Variants in MMP11 observed in about 807,000 individuals in gnomAD.
MMP11 encodes the protein stromelysin-3.
In MMP11, 26 loss-of-function variants were observed where a neutral mutation model predicts 49.5. The ratio of observed to expected loss-of-function variants is 0.52; its 90% CI spans 0.38 to 0.73. MMP11 has a LOEUF of 0.73. Ranked by LOEUF, MMP11 falls within the 30% of genes least tolerant of loss-of-function variation. The pLI, the probability that MMP11 is intolerant of heterozygous loss-of-function variation, is 0.00. For synonymous variants in MMP11, 265 were observed against 282.3 expected (o/e 0.94, Z 0.62); for missense variants, 624 against 671.2 (o/e 0.93, Z 0.78).
Position 23,780,679 on chromosome 22 carries a change from G to C in MMP11, c.580G>C (p.Asp194His), listed in dbSNP as rs756398219. 6.4e-7 allele frequency: 1 copy of C among 1,574,008 alleles called. No homozygotes were observed. Among genetic ancestry groups the C allele is most frequent in the South Asian group, 1.2e-5 (1 of 85,266 alleles). Residue 194 changes from aspartate (D) to histidine (H), a missense_variant, in exon 4 of 8, where the codon GAC becomes CAC. Asp to His is a moderately conservative substitution (Grantham distance 81, BLOSUM62 -1). Coordinates refer to ENST00000215743, the MANE Select transcript of MMP11 (RefSeq NM_005940.5). This position sits in a 1 kb window ranked among gnomAD's most constrained non-coding sequence, Gnocchi z 4.6. ...TCACCGAGAAGGGGATGTCCACTTC[G>C]ACTATGATGAGACCTGGACTATCGG... ...KTHREGDVHF[D>H]YDETWTIGDD...
At chr22:23,782,733 A>G (rs1429792486) in intron 7 of MMP11, 3 of 580,616 alleles carry the variant, frequency 5.2e-6, no homozygotes, top group African/African-American at 3.8e-5. Flanking sequence ...TAGAACAATA[A>G]ACTGCTGTAC....
rs752550285 is a variant in MMP11 at position 23,781,201 on chromosome 22, C to T, written c.867C>T (p.Ala289=). ...TNEIAPLEPD[A]PPDACEASFD... is the part of the protein sequence containing the mutation. The stretch of plus-strand genomic sequence containing the variant: ...CCTCTCTCCCACCCCAGCCAGACGC[C>T]CCGCCAGATGCCTGTGAGGCCTCCT... The change falls in exon 6 of 8, where the codon GCC becomes GCT. Residue 289 remains alanine, a synonymous_variant. Transcript: ENST00000215743. The T allele has an allele frequency of 6.2e-7, 1 of 1,611,542 alleles. No homozygotes were observed. The highest frequency in any genetic ancestry group is 2.2e-5 in the East Asian group (1 of 44,886).
At chr22:23,782,816 C>T (rs1601376501) in intron 7 of MMP11, among the ~76,000 whole-genome samples, 3 of 152,312 alleles carry the variant, frequency 2.0e-5, no homozygotes, top group Middle Eastern at 6.8e-3. Context: ...TGATGTGACA[C>T]CTGTTGTGAA....
At position 23,779,321 on chromosome 22, in the gene MMP11, C is replaced by T. The variant is rs558682119; in HGVS notation, c.243C>T (p.Gly81=). The T allele has an allele frequency of 1.6e-5, 26 of 1,612,518 alleles. No homozygotes were observed. The highest frequency in any genetic ancestry group is 1.3e-4 in the East Asian group (6 of 44,880). Residue 81 remains glycine, a synonymous_variant, in exon 2 of 8, where the codon GGC becomes GGT. Transcript: ENST00000215743. The part of the protein sequence containing the change: ...PASSLRPPRC[G]VPDPSDGLSA... ...GCAGCCTCAGGCCTCCCCGCTGTGG[C>T]GTGCCCGACCCATCTGATGGGCTGA...
In MMP11 at chr22:23,782,439, G is replaced by T; in HGVS notation, c.1289G>T (p.Arg430Ile). 1 of 1,613,548 alleles carries T rather than the reference G, an allele frequency of 6.2e-7. No homozygotes were observed. Among genetic ancestry groups the T allele is most frequent in the Non-Finnish European group, 8.5e-7 (1 of 1,179,958 alleles). Residue 430 changes from arginine (R) to isoleucine (I), a missense_variant, in exon 7 of 8, where the codon AGA (arginine) becomes ATA (isoleucine). By Grantham distance (97) the Arg-to-Ile change is moderately conservative (BLOSUM62 -3). Coordinates refer to ENST00000215743, the MANE Select transcript of MMP11 (RefSeq NM_005940.5). ...SPVPRRATDW[R>I]GVPSEIDAAF... ...GTGCCCCGCAGGGCCACTGACTGGA[G>T]AGGGGTGCCCTCTGAGATCGACGCT...
Position 23,781,086 on chromosome 22 carries a change from A to G in MMP11, c.844A>G (p.Ile282Val). 1 of 1,608,278 alleles carries G rather than the reference A, an allele frequency of 6.2e-7. No individual in the cohort carries two copies. Among genetic ancestry groups the G allele is most frequent in the Non-Finnish European group, 8.5e-7 (1 of 1,179,816 alleles). ...CCAGGCTGGGATAGACACCAATGAG[A>G]TTGCACCGCTGGAGGTGAGGCCCTG... is the stretch of plus-strand genomic sequence containing the variant. ...GPQAGIDTNE[I>V]APLEPDAPPD... The change falls in exon 5 of 8, where the codon ATT becomes GTT. Residue 282 changes from isoleucine to valine, a missense_variant. Physicochemically the swap from Ile to Val is conservative, Grantham distance 29. Coordinates refer to ENST00000215743, the MANE Select transcript of MMP11 (RefSeq NM_005940.5).
chr22:23,780,518 G>C lies in MMP11; in HGVS notation c.482+16G>C, dbSNP rs1196784043. ...ACTTCGCCAGGTGAATGGGCGGCCT[G>C]GGACCCCTCCGGGAACAGCCTCGCC... On this transcript the variant is annotated intron_variant, in intron 3 of 7. Transcript: ENST00000215743. This position sits in a 1 kb window ranked among gnomAD's most constrained non-coding sequence, Gnocchi z 4.6. 1.9e-6 allele frequency: 3 copies of C among 1,613,560 alleles called. No homozygotes were observed. The South Asian group carries it at 3.3e-5, about 18-fold the overall frequency.
intron 6 of MMP11, 121 bp downstream of exon 6, chr22:23,781,530 C>T: frequency 1.0e-6 from 1 of 956,584 alleles, no homozygotes; most frequent in Non-Finnish European, 1.6e-6. Context: ...TGCCCCAAAG[C>T]CTGGGGGCCG....
rs144421847 is a variant in MMP11, at chr22:23,782,281, C to T, written c.1131C>T (p.Leu377=). Reference sequence around the variant, plus strand: ...AGCCAGTCCTGGGCCCCGCACCCCTCACCGAGCTGGGCCTGGTGAGGTTCC... The same window carrying T: ...AGCCAGTCCTGGGCCCCGCACCCCTTACCGAGCTGGGCCTGGTGAGGTTCC... ...GEKPVLGPAP[L]TELGLVRFPV... Residue 377 remains leucine (L), a synonymous_variant, in exon 7 of 8, where the codon CTC becomes CTT. Coordinates refer to ENST00000215743, the MANE Select transcript of MMP11 (RefSeq NM_005940.5). 745 of 1,613,886 alleles carry T rather than the reference C, an allele frequency of 4.6e-4. No homozygotes were observed. Among genetic ancestry groups the T allele is most frequent in the Non-Finnish European group, 6.2e-4 (726 of 1,180,008 alleles).
chr22:23,774,573 A>G (rs1927345407), intron 1 of MMP11, among the ~76,000 whole-genome samples: 1 of 152,076 alleles, frequency 6.6e-6, no homozygotes, highest in Non-Finnish European at 1.5e-5. Flanking sequence ...GGGTGAGAAT[A>G]GGAAGATTAG....
chr22:23,777,574 A>ATC (rs1927456428), intron 1 of MMP11: 1 of 143,248 alleles, frequency 7.0e-6, no homozygotes, highest in African/African-American at 2.7e-5. Flanking sequence ...CTCAAAAAAA[A>ATC]AAAAAAAAAA....
In MMP11 at chr22:23,781,884, G is replaced by A. The variant is rs770422592; in HGVS notation, c.1076-342G>A. 8.9e-5 allele frequency: 56 copies of A among 631,768 alleles called. 1 individual carries two copies. In the Middle Eastern group the frequency reaches 1.3e-3, roughly 14 times the overall value. 39.1% of individuals were successfully genotyped at this position (631,768 alleles called of 1,614,324 possible). On this transcript the variant is annotated intron_variant, in intron 6 of 7. Transcript: ENST00000215743. ...TGAAGGCACAGCATGGGAAACCTGC[G>A]TGGGTTCCAGGGCAGTCCAGCCTGC...
At position 23,782,433 on chromosome 22, in the gene MMP11, A is replaced by G; in HGVS notation, c.1283A>G (p.Asp428Gly). The G allele has an allele frequency of 5.0e-6, 8 of 1,613,614 alleles. No homozygotes were observed. Among genetic ancestry groups the G allele is most frequent in the Non-Finnish European group, 6.8e-6 (8 of 1,179,962 alleles). ...VDSPVPRRAT[D>G]WRGVPSEIDA... ...AGTCCCGTGCCCCGCAGGGCCACTG[A>G]CTGGAGAGGGGTGCCCTCTGAGATC... The change falls in exon 7 of 8, where the codon GAC (aspartate) becomes GGC (glycine). Residue 428 changes from aspartate (D) to glycine (G), a missense_variant. By Grantham distance (94) the Asp-to-Gly change is moderately conservative. Transcript: ENST00000215743.
chr22:23,780,806 T>C lies in MMP11; in HGVS notation c.617-53T>C, dbSNP rs559191894. ...AGGTCACTGAGCTGGGGTCTGGAGCTGGATGTCCTGGGCAGGAGGTTCGGG... is the reference window on the plus strand; with the variant it reads ...AGGTCACTGAGCTGGGGTCTGGAGCCGGATGTCCTGGGCAGGAGGTTCGGG... On this transcript the variant is annotated intron_variant, in intron 4 of 7. Coordinates refer to ENST00000215743, the MANE Select transcript of MMP11 (RefSeq NM_005940.5). This position sits in a 1 kb window ranked among gnomAD's most constrained non-coding sequence, Gnocchi z 4.6. 1 of 1,582,312 alleles carries C rather than the reference T, an allele frequency of 6.3e-7. No individual in the cohort carries two copies. The highest frequency in any genetic ancestry group is 1.3e-5 in the African/African-American group (1 of 74,510).
Position 23,780,213 on chromosome 22 carries a change from A to T in MMP11, c.339-146A>T. 1 of 909,626 alleles carries T rather than the reference A, an allele frequency of 1.1e-6. No homozygotes were observed. Among genetic ancestry groups the T allele is most frequent in the Non-Finnish European group, 1.7e-6 (1 of 596,316 alleles). The allele number at this position is 909,626 out of a possible 1,614,324, so 56.3% of individuals were successfully genotyped here. A position where few individuals can be genotyped will look rare whatever the true frequency, so the allele number is the denominator to read the frequency against. Reference sequence around the variant, plus strand: ...ATGTGCCCATGTGGCCAGGGAGACCAGTGCGCTGAAGCTGAGGCCCAGAGT... The same window carrying T: ...ATGTGCCCATGTGGCCAGGGAGACCTGTGCGCTGAAGCTGAGGCCCAGAGT... On this transcript the variant is annotated intron_variant, in intron 2 of 7. Coordinates refer to ENST00000215743, the MANE Select transcript of MMP11 (RefSeq NM_005940.5). The surrounding 1 kb of genome is among the most constrained non-coding windows in gnomAD (Gnocchi z 4.6).
chr22:23,781,204 G>A lies in MMP11; in HGVS notation c.870G>A (p.Pro290=), dbSNP rs777880362. 2.4e-5 allele frequency: 38 copies of A among 1,611,294 alleles called. No homozygotes were observed. The highest frequency in any genetic ancestry group is 3.0e-5 in the Non-Finnish European group (35 of 1,179,958). The part of the protein sequence containing the change: ...NEIAPLEPDA[P]PDACEASFDA... ...CTCTCCCACCCCAGCCAGACGCCCC[G>A]CCAGATGCCTGTGAGGCCTCCTTTG... The change falls in exon 6 of 8, where the codon CCG becomes CCA. Residue 290 remains proline (P), a synonymous_variant. Coordinates refer to ENST00000215743, the MANE Select transcript of MMP11 (RefSeq NM_005940.5).
At position 23,783,599 on chromosome 22, in the gene MMP11, G is replaced by A; in HGVS notation, c.*55G>A. 1 of 1,604,750 alleles carries A rather than the reference G, an allele frequency of 6.2e-7. No homozygotes were observed. Among genetic ancestry groups the A allele is most frequent in the Non-Finnish European group, 8.5e-7 (1 of 1,172,982 alleles). Reference sequence around the variant, plus strand: ...ACCCCTGCCAGGCCACGAATATCAGGCTAGAGACCCATGGCCATCTTTGTG... The same window carrying A: ...ACCCCTGCCAGGCCACGAATATCAGACTAGAGACCCATGGCCATCTTTGTG... On this transcript the variant is annotated 3_prime_UTR_variant, in exon 8 of 8. Coordinates refer to ENST00000215743, the MANE Select transcript of MMP11 (RefSeq NM_005940.5).
intron 1 of MMP11, 71 bp from the exon 2 acceptor site, chr22:23,779,116 G>A: frequency 7.9e-7 from 1 of 1,264,894 alleles, no homozygotes; most frequent in Non-Finnish European, 1.1e-6. Context: ...TTTGCTGACA[G>A]GCCACATCTC....
intron 5 of MMP11, 39 bp downstream of exon 5, chr22:23,781,139 G>A (rs2145942740): frequency 6.2e-7 from 1 of 1,606,744 alleles, no homozygotes; most frequent in Non-Finnish European, 8.5e-7. Context: ...TCCTCTGCTG[G>A]CCACTGTGAC....
Sources: gnomAD v4.1 joint callset for allele counts (sites outside exome capture counted in the v4.1 genomes callset) on GRCh38, gnomAD v4.1.1 for gene constraint, Gnocchi (gnomAD v3.1) non-coding constraint, MANE v1.5 for transcripts, NCBI Gene and HGNC (gene_info 2026-07-23, HGNC 2026-07-21) for gene names.